Variants in STAC observed in about 807,000 individuals in gnomAD.
The protein encoded by STAC is SH3 and cysteine rich domain, also known as SH3 and cysteine-rich domain-containing protein.
STAC carries 43 observed loss-of-function variants against 48.8 expected under a neutral mutation model. That is an observed-to-expected ratio of 0.88 (90% CI 0.69 to 1.14). STAC has a LOEUF of 1.14. Ranked by LOEUF, STAC falls within the 50% of genes most tolerant of loss-of-function variation. The probability of loss-of-function intolerance (pLI) is 0.00; values close to 1 mark genes in which losing one functional copy is unlikely to be tolerated. For missense variants in STAC, 497 were observed against 504.0 expected (o/e 0.99, Z 0.13); for synonymous variants, 193 against 179.5 (o/e 1.07, Z -0.60).
chr3:36,469,384 G>T (rs1187621671), intron 2 of STAC, among the ~76,000 whole-genome samples: 1 of 152,114 alleles, frequency 6.6e-6, no homozygotes, highest in African/African-American at 2.4e-5. Context: ...GCTGATAATT[G>T]TTCTGTTTAA....
chr3:36,441,072 A>G (rs1008286785), intron 1 of STAC, among the ~76,000 whole-genome samples: 1 of 152,166 alleles, frequency 6.6e-6, no homozygotes, highest in Non-Finnish European at 1.5e-5. Flanking sequence ...AACATCAAAC[A>G]TTTATCATTT....
chr3:36,433,677 A>G (rs527732423), intron 1 of STAC, among the ~76,000 whole-genome samples: 1 of 152,092 alleles, frequency 6.6e-6, no homozygotes, highest in South Asian at 2.1e-4. Flanking sequence ...AGTCTTTTGT[A>G]TTTTCTCACC....
intron 3 of STAC, among the ~76,000 whole-genome samples, chr3:36,483,538 A>G (rs1697714721): frequency 6.6e-6 from 1 of 152,182 alleles, no homozygotes; most frequent in Non-Finnish European, 1.5e-5. Context: ...GGAGAGAGTA[A>G]TAAATATCTG....
At chr3:36,449,078 C>G (rs1696607190) in intron 2 of STAC, among the ~76,000 whole-genome samples, 1 of 151,904 alleles carries the variant, frequency 6.6e-6, no homozygotes, top group South Asian at 2.1e-4. Flanking sequence ...ATGATCACAC[C>G]ACTGCACTCC....
At chr3:36,506,581 G>A (rs1267930701) in intron 8 of STAC, among the ~76,000 whole-genome samples, 1 of 152,120 alleles carries the variant, frequency 6.6e-6, no homozygotes, top group Non-Finnish European at 1.5e-5. Context: ...TCTTCCATTT[G>A]TTTGTGTCCT....
At chr3:36,405,645 G>A (rs1700074556) in intron 1 of STAC, among the ~76,000 whole-genome samples, 1 of 152,160 alleles carries the variant, frequency 6.6e-6, no homozygotes, top group Non-Finnish European at 1.5e-5. Context: ...AGCCACACAT[G>A]ACAGTTCAGC....
intron 1 of STAC, among the ~76,000 whole-genome samples, chr3:36,408,858 A>C (rs1700136271): frequency 6.6e-6 from 1 of 152,356 alleles, no homozygotes; most frequent in African/African-American, 2.4e-5. Context: ...TGTTTAGACC[A>C]GGTTGAAACT....
intron 6 of STAC, among the ~76,000 whole-genome samples, chr3:36,494,881 A>C (rs895589643): frequency 6.6e-6 from 1 of 152,220 alleles, no homozygotes; most frequent in African/African-American, 2.4e-5. Context: ...CAGCAACTGA[A>C]TTTAAACAGC....
chr3:36,488,830 G>A (rs888831184), intron 5 of STAC, among the ~76,000 whole-genome samples: 1 of 151,772 alleles, frequency 6.6e-6, no homozygotes. Flanking sequence ...CTGATTTATC[G>A]ACCCTTAAAG....
At chr3:36,439,254 T>G (rs1696249666) in intron 1 of STAC, among the ~76,000 whole-genome samples, 1 of 152,146 alleles carries the variant, frequency 6.6e-6, no homozygotes, top group South Asian at 2.1e-4. Context: ...CACTGAATGG[T>G]TGGGAGGATT....
At chr3:36,531,023 T>C (rs1424720686) in intron 10 of STAC, among the ~76,000 whole-genome samples, 2 of 152,164 alleles carry the variant, frequency 1.3e-5, no homozygotes, top group African/African-American at 4.8e-5. Flanking sequence ...TTCAAGTAAA[T>C]GAAAATCATT....
intron 2 of STAC, among the ~76,000 whole-genome samples, chr3:36,458,387 A>G (rs1303693658): frequency 6.6e-6 from 1 of 152,154 alleles, no homozygotes; most frequent in Non-Finnish European, 1.5e-5. Context: ...AACTCCAAAT[A>G]TCAAGCTCTT....
At chr3:36,417,348 G>GCCC (rs1335925879) in intron 1 of STAC, among the ~76,000 whole-genome samples, 1 of 152,050 alleles carries the variant, frequency 6.6e-6, no homozygotes, top group African/African-American at 2.4e-5. Flanking sequence ...CCTTCTTCCT[G>GCCC]TCTATGTAGC....
chr3:36,472,775 G>A (rs546978282), intron 2 of STAC, among the ~76,000 whole-genome samples: 8 of 152,148 alleles, frequency 5.3e-5, no homozygotes, highest in East Asian at 1.9e-4. Context: ...TATCCATATC[G>A]CTATCAGCAT....
chr3:36,419,700 G>A (rs1041674468), intron 1 of STAC, among the ~76,000 whole-genome samples: 1 of 151,574 alleles, frequency 6.6e-6, no homozygotes, highest in Non-Finnish European at 1.5e-5. Context: ...GTCTGTTCAG[G>A]TCAGGGAAGA....
In STAC at chr3:36,380,510, C is replaced by T; in HGVS notation, c.-134C>T. The T allele has an allele frequency of 1.5e-6, 1 of 645,512 alleles. No individual in the cohort carries two copies. Among genetic ancestry groups the T allele is most frequent in the Non-Finnish European group, 2.7e-6 (1 of 370,496 alleles). 40.0% of individuals were successfully genotyped at this position (645,512 alleles called of 1,614,324 possible). A position where few individuals can be genotyped will look rare whatever the true frequency, so the allele number is the denominator to read the frequency against. On this transcript the variant is annotated 5_prime_UTR_variant, in exon 1 of 11. Coordinates refer to ENST00000273183, the MANE Select transcript of STAC (RefSeq NM_003149.3). ...GAGAGGGAGCGAGGCTGGAGGAGGG[C>T]ACGTCGGCGCCTCGGCGAGGATGGG...
intron 2 of STAC, among the ~76,000 whole-genome samples, chr3:36,460,946 T>C (rs1696999928): frequency 6.6e-6 from 1 of 152,170 alleles, no homozygotes; most frequent in South Asian, 2.1e-4. Context: ...AAATATGTAG[T>C]GTTTTATTTC....
intron 10 of STAC, among the ~76,000 whole-genome samples, chr3:36,544,664 C>T (rs1034048033): frequency 1.3e-5 from 2 of 151,980 alleles, no homozygotes; most frequent in African/African-American, 2.4e-5. Context: ...TTCTGGGATG[C>T]GCTTGCAGAA....
At chr3:36,399,319 C>T (rs1447813161) in intron 1 of STAC, among the ~76,000 whole-genome samples, 1 of 152,200 alleles carries the variant, frequency 6.6e-6, no homozygotes. Flanking sequence ...CCAGAGCAGT[C>T]GTTTCCCTTT....
Sources: allele counts gnomAD v4.1 joint callset (sites outside exome capture counted in the v4.1 genomes callset), GRCh38; gene constraint gnomAD v4.1.1; transcripts MANE v1.5; gene names NCBI Gene and HGNC (gene_info 2026-07-23, HGNC 2026-07-21).